NSMCE4A: variants seen among roughly 807,000 people sequenced by gnomAD.
NSMCE4A encodes the protein non-structural maintenance of chromosomes element 4 homolog A.
Under a neutral mutation model 47.9 loss-of-function variants are expected in NSMCE4A, and 40 were observed. The observed-to-expected ratio is 0.83, with a 90% CI of 0.65 to 1.09. NSMCE4A has a LOEUF of 1.09. Ranked by LOEUF, NSMCE4A falls within the 50% of genes least tolerant of loss-of-function variation. NSMCE4A has a pLI of 0.00. For synonymous variants in NSMCE4A, 166 were observed against 178.5 expected (o/e 0.93, Z 0.56); for missense variants, 500 against 507.0 (o/e 0.99, Z 0.13).
intron 1 of NSMCE4A, 181 bp downstream of exon 1, chr10:121,974,693 A>G (rs1216195428): frequency 9.0e-7 from 1 of 1,114,952 alleles, no homozygotes; most frequent in African/African-American, 1.7e-5. Context: ...CTCCAGCCAC[A>G]AAGTGGGAGC....
rs1952529912 is a variant in NSMCE4A at position 121,963,004 on chromosome 10, C to G, written c.844+234G>C. Among the ~76,000 whole-genome samples, 2 of 152,112 alleles carry G rather than the reference C, an allele frequency of 1.3e-5. 1 individual carries two copies. The highest frequency in any genetic ancestry group is 4.1e-4 in the South Asian group (2 of 4,824). On this transcript the variant is annotated intron_variant, in intron 6 of 10. Transcript: ENST00000369023. Reference sequence around the variant, plus strand: ...GAACAGCTACTTTTGACATTTCTCACTTGAATGGCATATTTCATTTTGTAA... The same window carrying G: ...GAACAGCTACTTTTGACATTTCTCAGTTGAATGGCATATTTCATTTTGTAA...
intron 5 of NSMCE4A, 71 bp downstream of exon 5, chr10:121,965,215 T>C: frequency 4.5e-6 from 5 of 1,106,258 alleles, no homozygotes; most frequent in Non-Finnish European, 5.4e-6. Flanking sequence ...ATGGCCAAAT[T>C]GCATGCACAT....
At chr10:121,964,467 G>A (rs887976751) in intron 5 of NSMCE4A, among the ~76,000 whole-genome samples, 11 of 142,122 alleles carry the variant, frequency 7.7e-5, no homozygotes, top group African/African-American at 1.8e-4. Context: ...TTTTTGAGAC[G>A]GACTCTCGCT....
chr10:121,974,519 G>A (rs1332867544), intron 1 of NSMCE4A: 3 of 1,007,720 alleles, frequency 3.0e-6, no homozygotes, highest in South Asian at 9.2e-5. Context: ...CTGCCGCTGC[G>A]AGGCCGGGAG....
At chr10:121,967,072 G>C (rs768446191) in intron 4 of NSMCE4A, 1 of 152,250 alleles carries the variant, frequency 6.6e-6, no homozygotes, top group Non-Finnish European at 1.5e-5. Context: ...TTTTAAAGAT[G>C]ATAAACCCAG....
intron 4 of NSMCE4A, chr10:121,966,769 T>C (rs534166813): frequency 4.3e-4 from 66 of 152,348 alleles, no homozygotes; most frequent in Non-Finnish European, 8.5e-4. Context: ...AAAACCAGTA[T>C]ACTTGAAGGT....
intron 7 of NSMCE4A, 53 bp downstream of exon 7, chr10:121,961,370 G>T: frequency 1.6e-6 from 2 of 1,252,078 alleles, no homozygotes; most frequent in Non-Finnish European, 2.2e-6. Context: ...CTTTTCTTAT[G>T]TAGCCTTTTA....
chr10:121,964,875 C>T (rs1263285063), intron 5 of NSMCE4A, among the ~76,000 whole-genome samples: 2 of 152,162 alleles, frequency 1.3e-5, no homozygotes, highest in South Asian at 4.1e-4. Flanking sequence ...GTGACTTTCC[C>T]CCCACCTCCC....
intron 3 of NSMCE4A, among the ~76,000 whole-genome samples, chr10:121,969,026 G>T (rs1952656241): frequency 6.6e-6 from 1 of 152,196 alleles, no homozygotes; most frequent in South Asian, 2.1e-4. Context: ...AAGACTTCCA[G>T]AATTTATTTT....
At chr10:121,971,931 C>T (rs1337271616) in intron 2 of NSMCE4A, among the ~76,000 whole-genome samples, 1 of 152,198 alleles carries the variant, frequency 6.6e-6, no homozygotes, top group Admixed American at 6.5e-5. Context: ...GAACAGTCTA[C>T]AGGTAGCAGG....
intron 2 of NSMCE4A, among the ~76,000 whole-genome samples, chr10:121,972,131 G>C (rs1032029839): frequency 5.9e-5 from 9 of 152,212 alleles, no homozygotes. Flanking sequence ...AGACCAGCCT[G>C]GGCAACGTGG....
intron 2 of NSMCE4A, among the ~76,000 whole-genome samples, chr10:121,971,542 G>C (rs1016861714): frequency 6.6e-6 from 1 of 151,934 alleles, no homozygotes; most frequent in Non-Finnish European, 1.5e-5. Flanking sequence ...ACTTTCTCCT[G>C]TGCCCAACTC....
rs148221460 is a variant in NSMCE4A, at chr10:121,965,375, T to A, written c.664A>T (p.Ile222Leu). Residue 222 changes from isoleucine (I) to leucine (L), a missense_variant, in exon 5 of 11, where the codon ATA (isoleucine) becomes TTA (leucine). Ile to Leu is a conservative substitution (Grantham distance 5). Transcript: ENST00000369023. ...THTFHFLLGS[I>L]YGECPVPKPR... is the part of the protein sequence containing the mutation. ...TTTGGCACAGGGCACTCTCCGTATA[T>A]TGAACCCAACCTAATGAAAAGTATG... is the stretch of plus-strand genomic sequence containing the variant. 256 of 1,611,312 alleles carry A rather than the reference T, an allele frequency of 1.6e-4. 1 individual carries two copies. In the East Asian group the frequency reaches 3.9e-3, roughly 24 times the overall value.
At chr10:121,963,374 T>A in intron 5 of NSMCE4A, 46 bp from the exon 6 acceptor site, 1 of 1,141,434 alleles carries the variant, frequency 8.8e-7, no homozygotes, top group African/African-American at 1.5e-5. Context: ...TACTGGCCTA[T>A]TAACGTTTTC....
chr10:121,961,451 T>C lies in NSMCE4A; in HGVS notation c.911A>G (p.Asn304Ser). 1 of 1,577,406 alleles carries C rather than the reference T, an allele frequency of 6.3e-7. No individual in the cohort carries two copies. Among genetic ancestry groups the C allele is most frequent in the East Asian group, 2.3e-5 (1 of 43,520 alleles). Residue 304 changes from asparagine (N) to serine (S), a missense_variant, in exon 7 of 11, where the codon AAC (asparagine) becomes AGC (serine). Asn to Ser is a conservative substitution (Grantham distance 46, BLOSUM62 1). Coordinates refer to ENST00000369023, the MANE Select transcript of NSMCE4A (RefSeq NM_017615.3). ...TATAATGAAGGAAACATGAAAGATG[T>C]TTTCCACTGTACGGGGGAAAGAATG... ...DPHSFPRTVENIFHVSFIIRD... is the reference protein window; with the variant it reads ...DPHSFPRTVESIFHVSFIIRD...
intron 2 of NSMCE4A, among the ~76,000 whole-genome samples, chr10:121,972,132 G>A (rs564090430): frequency 2.9e-4 from 44 of 152,300 alleles, no homozygotes; most frequent in African/African-American, 9.9e-4. Flanking sequence ...GACCAGCCTG[G>A]GCAACGTGGT....
At chr10:121,971,990 G>A (rs1248498226) in intron 2 of NSMCE4A, among the ~76,000 whole-genome samples, 4 of 152,140 alleles carry the variant, frequency 2.6e-5, no homozygotes, top group Non-Finnish European at 5.9e-5. Context: ...GAGGACATGG[G>A]ATTTAAGAAA....
Position 121,960,938 on chromosome 10 carries a change from GACT to G in NSMCE4A, c.939+482_939+484del, listed in dbSNP as rs1004770024. On this transcript the variant is annotated intron_variant, in intron 7 of 10. Coordinates refer to ENST00000369023, the MANE Select transcript of NSMCE4A (RefSeq NM_017615.3). This position sits in a 1 kb window ranked among gnomAD's most constrained non-coding sequence, Gnocchi z 4.2. ...TAATTTCAGACTTAAAGGGCTATAAGACTACTATAAACACGTGGCATATATCCT... is the reference window on the plus strand; with the variant it reads ...TAATTTCAGACTTAAAGGGCTATAAGACTATAAACACGTGGCATATATCCT... Among the ~76,000 whole-genome samples the G allele has an allele frequency of 6.6e-6, 1 of 152,116 alleles. No individual in the cohort carries two copies. The highest frequency in any genetic ancestry group is 2.4e-5 in the African/African-American group (1 of 41,422).
intron 1 of NSMCE4A, 134 bp from the exon 2 acceptor site, chr10:121,974,215 C>G (rs4075582): frequency 1.4e-6 from 2 of 1,392,716 alleles, no homozygotes; most frequent in African/African-American, 2.9e-5. Context: ...ACATCTTTAT[C>G]TTTTTAACCA....
Sources: allele counts gnomAD v4.1 joint callset (sites outside exome capture counted in the v4.1 genomes callset), GRCh38; gene constraint gnomAD v4.1.1; non-coding constraint Gnocchi (gnomAD v3.1); transcripts MANE v1.5; gene names NCBI Gene and HGNC (gene_info 2026-07-23, HGNC 2026-07-21).